Variants in DCC observed in about 807,000 individuals in gnomAD.
DCC encodes DCC netrin 1 receptor, also known as netrin receptor DCC.
DCC carries 58 observed loss-of-function variants against 172.5 expected under a neutral mutation model. The ratio of observed to expected loss-of-function variants is 0.34; its 90% CI spans 0.27 to 0.42. The LOEUF (loss-of-function observed/expected upper bound fraction) is 0.42, where lower values mean the gene tolerates loss of function less well. DCC is among the 10% of genes least tolerant of loss of function. The pLI is 1.00. For synonymous variants in DCC, 709 were observed against 644.5 expected (o/e 1.10, Z -1.52); for missense variants, 1,740 against 1,791.0 (o/e 0.97, Z 0.51).
chr18:52,423,110 A>G (rs967538761), intron 1 of DCC, among the ~76,000 whole-genome samples: 5 of 152,164 alleles, frequency 3.3e-5, no homozygotes, highest in South Asian at 4.1e-4. Context: ...GCATAAGTGT[A>G]TGGTACTTAC....
intron 5 of DCC, among the ~76,000 whole-genome samples, chr18:52,994,859 T>C (rs1436390079): frequency 6.6e-6 from 1 of 152,168 alleles, no homozygotes; most frequent in Non-Finnish European, 1.5e-5. Flanking sequence ...GGCATACGTA[T>C]GGTTAAAGAC....
At chr18:52,443,303 G>C (rs117667432) in intron 1 of DCC, among the ~76,000 whole-genome samples, 4,319 of 152,140 alleles carry the variant, frequency 0.028, 83 homozygotes, top group Non-Finnish European at 0.043. Flanking sequence ...AATAAATATT[G>C]AGGAGCCCCT....
At chr18:53,056,275 G>T (rs1270915733) in intron 5 of DCC, among the ~76,000 whole-genome samples, 2 of 152,052 alleles carry the variant, frequency 1.3e-5, no homozygotes, top group African/African-American at 4.8e-5. Flanking sequence ...GCTCTCCTGA[G>T]AACTCACTAT....
intron 18 of DCC, among the ~76,000 whole-genome samples, chr18:53,397,960 G>A (rs1909061213): frequency 7.2e-6 from 1 of 138,274 alleles, no homozygotes; most frequent in Admixed American, 7.1e-5. Flanking sequence ...TAACATAATA[G>A]AAGACCTTTA....
chr18:52,916,838 A>G (rs1252738433), intron 3 of DCC, among the ~76,000 whole-genome samples: 1 of 152,172 alleles, frequency 6.6e-6, no homozygotes, highest in African/African-American at 2.4e-5. Context: ...AACATAACAG[A>G]ACAATGTCAA....
At chr18:52,944,392 C>T (rs2040509427) in intron 5 of DCC, among the ~76,000 whole-genome samples, 1 of 152,184 alleles carries the variant, frequency 6.6e-6, no homozygotes. Context: ...GGAACTGCAG[C>T]ACCGTTTCTG....
intron 8 of DCC, among the ~76,000 whole-genome samples, chr18:53,160,212 T>A (rs1387126693): frequency 6.6e-6 from 1 of 152,178 alleles, no homozygotes; most frequent in Non-Finnish European, 1.5e-5. Context: ...CTTGCTGCCA[T>A]GGTTATACCA....
chr18:53,034,765 G>C (rs567697769), intron 5 of DCC, among the ~76,000 whole-genome samples: 1 of 151,660 alleles, frequency 6.6e-6, no homozygotes. Flanking sequence ...AGTCCATAAG[G>C]CCTGAAAGAT....
rs945292709 is a variant in DCC, at chr18:52,942,830, C to T, written c.985+17460C>T. On this transcript the variant is annotated intron_variant, in intron 5 of 28. Coordinates refer to ENST00000442544, the MANE Select transcript of DCC (RefSeq NM_005215.4). Reference sequence around the variant, plus strand: ...TCACTTACCAATTTGAAATATTTTGCCTTTTCCAAGGAGGGTTTGGCTTGT... The same window carrying T: ...TCACTTACCAATTTGAAATATTTTGTCTTTTCCAAGGAGGGTTTGGCTTGT... 6.6e-5 allele frequency among the ~76,000 whole-genome samples: 10 copies of T among 152,238 alleles called. No homozygotes were observed. In the East Asian group the frequency reaches 1.2e-3, roughly 18 times the overall value.
At chr18:53,050,613 T>G (rs59681356) in intron 5 of DCC, among the ~76,000 whole-genome samples, 11,767 of 152,088 alleles carry the variant, frequency 0.077, 1,342 homozygotes, top group African/African-American at 0.25. Context: ...CTGATTTTTG[T>G]ACATTGATTT....
chr18:53,464,979 C>CAA (rs71179510), intron 24 of DCC, among the ~76,000 whole-genome samples: 128 of 53,394 alleles, frequency 2.4e-3, no homozygotes, highest in South Asian at 3.1e-3. Context: ...AACTCAATCT[C>CAA]AAAAAAAAAA....
chr18:52,746,580 G>A lies in DCC; in HGVS notation c.92-5474G>A, dbSNP rs373147412. On this transcript the variant is annotated intron_variant, in intron 1 of 28. Transcript: ENST00000442544. ...TCATTTTAAGTTAGTTTGCCTCTGCGACTGAATGGTCTTTGGAACTGAGAA... is the reference window on the plus strand; with the variant it reads ...TCATTTTAAGTTAGTTTGCCTCTGCAACTGAATGGTCTTTGGAACTGAGAA... Among the ~76,000 whole-genome samples the A allele has an allele frequency of 2.8e-4, 43 of 152,220 alleles. No individual in the cohort carries two copies. In the South Asian group the frequency reaches 5.8e-3, roughly 21 times the overall value.
intron 5 of DCC, among the ~76,000 whole-genome samples, chr18:52,982,520 C>T (rs2041228221): frequency 6.6e-6 from 1 of 152,094 alleles, no homozygotes; most frequent in African/African-American, 2.4e-5. Context: ...TCAGACTCAG[C>T]AATAGTAACA....
intron 2 of DCC, among the ~76,000 whole-genome samples, chr18:52,894,473 GT>G (rs2039699802): frequency 6.7e-6 from 1 of 149,666 alleles, no homozygotes; most frequent in South Asian, 2.1e-4. Flanking sequence ...ATTAATATAT[GT>G]TTATGTGATA....
chr18:52,935,359 A>G (rs924131242), intron 5 of DCC, among the ~76,000 whole-genome samples: 79 of 134,994 alleles, frequency 5.9e-4, no homozygotes, highest in African/African-American at 1.9e-3. Flanking sequence ...ATATTTATAA[A>G]TGACCTATAT....
chr18:53,349,974 A>C (rs1284670022), intron 15 of DCC, among the ~76,000 whole-genome samples: 1 of 152,220 alleles, frequency 6.6e-6, no homozygotes, highest in Admixed American at 6.5e-5. Context: ...AATTTGGCTT[A>C]GGCAGTTAAA....
chr18:53,024,820 T>C (rs905952373), intron 5 of DCC, among the ~76,000 whole-genome samples: 2 of 152,158 alleles, frequency 1.3e-5, no homozygotes, highest in African/African-American at 4.8e-5. Context: ...TTAATAGATA[T>C]AAATTATGTC....
intron 1 of DCC, among the ~76,000 whole-genome samples, chr18:52,470,478 G>T (rs1192275239): frequency 6.6e-6 from 1 of 152,132 alleles, no homozygotes; most frequent in East Asian, 1.9e-4. Flanking sequence ...TTGAGGAAGG[G>T]ATCTGAGTCT....
At chr18:52,362,782 C>G (rs533689246) in intron 1 of DCC, among the ~76,000 whole-genome samples, 13 of 137,182 alleles carry the variant, frequency 9.5e-5, no homozygotes, top group Non-Finnish European at 1.6e-4. Flanking sequence ...TTCTTTTAGC[C>G]CCCCCCACTC....
Sources: gnomAD v4.1 joint callset for allele counts (sites outside exome capture counted in the v4.1 genomes callset) on GRCh38, gnomAD v4.1.1 for gene constraint, MANE v1.5 for transcripts, NCBI Gene and HGNC (gene_info 2026-07-23, HGNC 2026-07-21) for gene names.